The following HPSE2 variants were observed in gnomAD, a reference collection of about 807,000 sequenced individuals.
The protein encoded by HPSE2 is inactive heparanase-2.
HPSE2 carries 38 observed loss-of-function variants against 60.5 expected under a neutral mutation model. The observed-to-expected ratio is 0.63, with a 90% CI of 0.48 to 0.82. The LOEUF (loss-of-function observed/expected upper bound fraction) is 0.82. Ranked by LOEUF, HPSE2 falls within the 40% of genes least tolerant of loss-of-function variation. The pLI, the probability that HPSE2 is intolerant of heterozygous loss-of-function variation, is 0.00. For synonymous variants in HPSE2, 295 were observed against 293.2 expected (o/e 1.01, Z -0.06); for missense variants, 713 against 740.4 (o/e 0.96, Z 0.43).
intron 3 of HPSE2, among the ~76,000 whole-genome samples, chr10:99,111,444 A>G (rs909366184): frequency 1.3e-5 from 2 of 152,198 alleles, no homozygotes; most frequent in Admixed American, 1.3e-4. Flanking sequence ...TTATAGATTA[A>G]AATCTAGAGG....
intron 3 of HPSE2, among the ~76,000 whole-genome samples, chr10:99,015,163 AAAC>A (rs1183548721): frequency 6.6e-6 from 1 of 151,754 alleles, no homozygotes; most frequent in Admixed American, 6.6e-5. Context: ...AAAAGTCAGG[AAAC>A]AACAGGTGCT....
At chr10:98,463,852 T>C (rs1443889854) in intron 11 of HPSE2, among the ~76,000 whole-genome samples, 2 of 149,494 alleles carry the variant, frequency 1.3e-5, no homozygotes, top group East Asian at 4.0e-4. Context: ...AGTGCGGTGG[T>C]TCACGCCTGT....
At chr10:99,234,246 G>A (rs1455272962) in intron 1 of HPSE2, among the ~76,000 whole-genome samples, 1 of 152,132 alleles carries the variant, frequency 6.6e-6, no homozygotes, top group Non-Finnish European at 1.5e-5. Flanking sequence ...TCAGTCCTCC[G>A]GCTACCTTTC....
the HPSE2 span, among the ~76,000 whole-genome samples, chr10:99,295,831 A>G: frequency 6.6e-6 from 1 of 152,214 alleles, no homozygotes; most frequent in East Asian, 1.9e-4. Context: ...CCCTACAATC[A>G]CTGCAAAGAT....
At chr10:99,024,358 G>A (rs6584231) in intron 3 of HPSE2, among the ~76,000 whole-genome samples, 15,559 of 152,086 alleles carry the variant, frequency 0.1, 859 homozygotes, top group South Asian at 0.19. Flanking sequence ...TTATAAAATC[G>A]TATTTGCAAC....
intron 3 of HPSE2, among the ~76,000 whole-genome samples, chr10:98,879,365 A>G (rs969921073): frequency 6.6e-6 from 1 of 152,014 alleles, no homozygotes; most frequent in African/African-American, 2.4e-5. Context: ...TTTCCTATAT[A>G]CTACTTCTGT....
chr10:99,070,157 G>C (rs1010749009), intron 3 of HPSE2, among the ~76,000 whole-genome samples: 1 of 152,170 alleles, frequency 6.6e-6, no homozygotes, highest in African/African-American at 2.4e-5. Context: ...GCTGCTGCTT[G>C]AAGGACATTC....
intron 6 of HPSE2, among the ~76,000 whole-genome samples, chr10:98,674,013 T>C (rs1947573287): frequency 6.6e-6 from 1 of 152,222 alleles, no homozygotes; most frequent in African/African-American, 2.4e-5. Context: ...AGATTGGGGC[T>C]CAAGAGTCCC....
At chr10:98,569,296 G>T (rs990432655) in intron 9 of HPSE2, among the ~76,000 whole-genome samples, 1 of 151,976 alleles carries the variant, frequency 6.6e-6, no homozygotes, top group Non-Finnish European at 1.5e-5. Context: ...CCTGACCTCA[G>T]GTGATCCACC....
chr10:99,093,949 T>G (rs1460426118), intron 3 of HPSE2, among the ~76,000 whole-genome samples: 2 of 152,206 alleles, frequency 1.3e-5, no homozygotes, highest in Non-Finnish European at 2.9e-5. Flanking sequence ...TGTATAGATA[T>G]ATATTTTCAA....
At chr10:98,812,316 C>T (rs1463705075) in intron 3 of HPSE2, among the ~76,000 whole-genome samples, 1 of 152,070 alleles carries the variant, frequency 6.6e-6, no homozygotes, top group East Asian at 1.9e-4. Context: ...CCTGAATTGT[C>T]CTGACTCCTA....
At chr10:98,910,405 A>C (rs1330598936) in intron 3 of HPSE2, among the ~76,000 whole-genome samples, 2 of 152,360 alleles carry the variant, frequency 1.3e-5, no homozygotes, top group South Asian at 4.1e-4. Flanking sequence ...ACAAATCAGC[A>C]AAAGGGCACA....
chr10:98,665,120 G>T (rs1260376303), intron 6 of HPSE2, among the ~76,000 whole-genome samples: 1 of 152,168 alleles, frequency 6.6e-6, no homozygotes, highest in Non-Finnish European at 1.5e-5. Flanking sequence ...TTCTAGAATT[G>T]AAGAATTCAC....
chr10:98,857,280 T>C (rs1381539110), intron 3 of HPSE2, among the ~76,000 whole-genome samples: 1 of 152,180 alleles, frequency 6.6e-6, no homozygotes, highest in Admixed American at 6.5e-5. Context: ...CTTGCACAGA[T>C]AGACAGGAGT....
Position 98,688,469 on chromosome 10 carries a change from TTTTTTTTC to T in HPSE2, c.1004+5423_1004+5430del, listed in dbSNP as rs1397089438. ...GAAGAATTTCCTTTAGCATTTCTTT[TTTTTTTTC>T]TTTTTTTTTTTTTTTTGAGGCAGAA... On this transcript the variant is annotated intron_variant, in intron 6 of 11. Transcript: ENST00000370552. Among the ~76,000 whole-genome samples the T allele has an allele frequency of 2.1e-3, 270 of 126,822 alleles. 14 individuals are homozygous for T. Among genetic ancestry groups the T allele is most frequent in the African/African-American group, 7.6e-3 (241 of 31,780 alleles). The allele number at this position is 126,822 out of a possible 152,430, so 83.2% of individuals were successfully genotyped here. A position where few individuals can be genotyped will look rare whatever the true frequency, so the allele number is the denominator to read the frequency against.
At chr10:99,043,690 G>T (rs921885861) in intron 3 of HPSE2, among the ~76,000 whole-genome samples, 2 of 152,112 alleles carry the variant, frequency 1.3e-5, no homozygotes, top group African/African-American at 4.8e-5. Flanking sequence ...AACTTCTAGA[G>T]CTGAAAAATT....
intron 2 of HPSE2, among the ~76,000 whole-genome samples, chr10:99,146,561 G>C (rs376849562): frequency 1.3e-5 from 2 of 152,166 alleles, no homozygotes; most frequent in East Asian, 3.9e-4. Flanking sequence ...GTAACCTTGA[G>C]TTAAGAAGCA....
the HPSE2 span, among the ~76,000 whole-genome samples, chr10:99,288,748 C>CCA: frequency 1.3e-5 from 1 of 75,806 alleles, no homozygotes; most frequent in Non-Finnish European, 2.2e-5. Context: ...CAGCCTCAAG[C>CCA]AAAAAAAAAA....
At chr10:99,181,118 G>A (rs1421441393) in intron 2 of HPSE2, among the ~76,000 whole-genome samples, 12 of 151,758 alleles carry the variant, frequency 7.9e-5, no homozygotes, top group African/African-American at 2.7e-4. Flanking sequence ...GACACACGCG[G>A]CCGGGCGCGG....
Sources: gnomAD v4.1 joint callset for allele counts (sites outside exome capture counted in the v4.1 genomes callset) on GRCh38, gnomAD v4.1.1 for gene constraint, MANE v1.5 for transcripts, NCBI Gene and HGNC (gene_info 2026-07-23, HGNC 2026-07-21) for gene names.